The following NDUFB1 variants were observed in gnomAD, a reference collection of about 807,000 sequenced individuals.
The protein encoded by NDUFB1 is NADH dehydrogenase [ubiquinone] 1 beta subcomplex subunit 1.
In NDUFB1, 6 loss-of-function variants were observed where a neutral mutation model predicts 6.7. The ratio of observed to expected loss-of-function variants is 0.89; its 90% CI spans 0.49 to 1.76. The LOEUF (loss-of-function observed/expected upper bound fraction) is 1.76, where lower values mean the gene tolerates loss of function less well. NDUFB1 is among the 40% of genes most tolerant of loss of function. NDUFB1 has a pLI of 0.01. For missense variants in NDUFB1, 56 were observed against 71.0 expected, an observed-to-expected ratio of 0.79 and a Z score of 0.76; for synonymous variants, 17 against 22.9, an observed-to-expected ratio of 0.74 and a Z score of 0.74.
intron 1 of NDUFB1, among the ~76,000 whole-genome samples, chr14:92,119,792 C>T (rs1333870876): frequency 2.0e-5 from 3 of 150,518 alleles, no homozygotes; most frequent in African/African-American, 4.9e-5. Flanking sequence ...TAAATAGTCT[C>T]GCTCTGTCAC....
intron 1 of NDUFB1, chr14:92,121,309 G>A: frequency 1.6e-5 from 7 of 446,484 alleles, no homozygotes; most frequent in South Asian, 2.7e-5. Context: ...TCGCGGAGGG[G>A]AGGCAGCGTC....
intron 1 of NDUFB1, among the ~76,000 whole-genome samples, chr14:92,120,969 G>A (rs977193910): frequency 1.3e-5 from 2 of 151,762 alleles, no homozygotes; most frequent in Non-Finnish European, 2.9e-5. Context: ...AGACCAGCCT[G>A]GCCAACATAG....
intron 1 of NDUFB1, among the ~76,000 whole-genome samples, chr14:92,120,912 A>G (rs2068755580): frequency 6.6e-6 from 1 of 151,234 alleles, no homozygotes; most frequent in African/African-American, 2.4e-5. Flanking sequence ...CTGTAATCCC[A>G]GCACTTTGGG....
intron 1 of NDUFB1, chr14:92,117,855 G>A (rs963686329): frequency 2.2e-5 from 11 of 510,470 alleles, no homozygotes; most frequent in South Asian, 1.0e-4. Flanking sequence ...AAAATTAGCC[G>A]GGTGTGGTGG....
intron 1 of NDUFB1, chr14:92,118,523 A>C (rs1429390157): frequency 1.3e-5 from 2 of 152,366 alleles, no homozygotes; most frequent in African/African-American, 4.8e-5. Flanking sequence ...TCACAATGCA[A>C]AAACAAATTT....
At chr14:92,116,331 C>CTTTT (rs35571568) in intron 2 of NDUFB1, 102 bp from the exon 3 acceptor site, 7,802 of 494,804 alleles carry the variant, frequency 0.016, 61 homozygotes, top group South Asian at 0.023. Flanking sequence ...ATTTCATTTT[C>CTTTT]TTTTTTTTTT....
chr14:92,119,893 C>T (rs1403899564), intron 1 of NDUFB1, among the ~76,000 whole-genome samples: 1 of 151,942 alleles, frequency 6.6e-6, no homozygotes, highest in Non-Finnish European at 1.5e-5. Context: ...TTCTGAGAAG[C>T]TGGAGCTACG....
intron 1 of NDUFB1, 53 bp from the exon 2 acceptor site, chr14:92,117,695 A>C: frequency 6.4e-7 from 1 of 1,569,506 alleles, no homozygotes; most frequent in South Asian, 1.2e-5. Flanking sequence ...TTTTTTTGAA[A>C]TAGCTTTTAA....
chr14:92,117,491 G>C lies in NDUFB1; in HGVS notation c.140+7C>G. The C allele has an allele frequency of 6.2e-7, 1 of 1,612,034 alleles. No individual in the cohort carries two copies. The highest frequency in any genetic ancestry group is 8.5e-7 in the Non-Finnish European group (1 of 1,179,886). On this transcript the variant is annotated splice_region_variant and intron_variant, in intron 2 of 2. Transcript: ENST00000605997. ...CCAATTGCTGGTTTAAAAAAATGCAGACTAACCTTTTAAATAACATACTCT... is the reference window on the plus strand; with the variant it reads ...CCAATTGCTGGTTTAAAAAAATGCACACTAACCTTTTAAATAACATACTCT...
At chr14:92,117,736 G>A in intron 1 of NDUFB1, 94 bp from the exon 2 acceptor site, 1 of 1,257,622 alleles carries the variant, frequency 8.0e-7, no homozygotes, top group South Asian at 1.3e-5. Flanking sequence ...GGTGGTTCAT[G>A]CCTGTAATCC....
chr14:92,117,786 T>C, intron 1 of NDUFB1, 144 bp from the exon 2 acceptor site: 1 of 792,750 alleles, frequency 1.3e-6, no homozygotes, highest in Non-Finnish European at 2.0e-6. Flanking sequence ...TCACTTGAGA[T>C]TAGGAGTTCG....
intron 1 of NDUFB1, 146 bp downstream of exon 1, chr14:92,121,496 C>G: frequency 8.1e-7 from 1 of 1,240,900 alleles, no homozygotes. Flanking sequence ...CCCCATTTTC[C>G]TTTCCCGTCA....
Position 92,121,253 on chromosome 14 carries a change from G to A in NDUFB1, c.-6+389C>T, listed in dbSNP as rs1486727254. The A allele has an allele frequency of 1.9e-5, 6 of 313,762 alleles. No homozygotes were observed. In the Admixed American group the frequency reaches 2.7e-4, roughly 14 times the overall value. The allele number at this position is 313,762 out of a possible 1,614,324, so 19.4% of individuals were successfully genotyped here. On this transcript the variant is annotated intron_variant, in intron 1 of 2. Transcript: ENST00000605997. ...GATTTGCGATTTGGAAGAGAGCGAG[G>A]TTAGCGAGAAGACAGAAGGCTGGAA...
intron 1 of NDUFB1, 37 bp from the exon 2 acceptor site, chr14:92,117,679 TTG>T: frequency 6.3e-7 from 1 of 1,598,276 alleles, no homozygotes. Context: ...TACAACTGCT[TTG>T]TTTTTTTTTT....
At chr14:92,116,535 A>G (rs1178188995) in intron 2 of NDUFB1, among the ~76,000 whole-genome samples, 1 of 151,754 alleles carries the variant, frequency 6.6e-6, no homozygotes, top group African/African-American at 2.4e-5. Context: ...GGGTTTCACC[A>G]TGTTGGCCAG....
intron 1 of NDUFB1, chr14:92,121,293 AGCTGCTCGCGGAGGGGAG>A (rs1170526777): frequency 2.4e-6 from 1 of 420,252 alleles, no homozygotes; most frequent in Non-Finnish European, 4.4e-6. Context: ...GACGAATGTA[AGCTGCTCGCGGAGGGGAG>A]GCAGCGTCTT....
chr14:92,120,358 T>TTTTA, intron 1 of NDUFB1: 1 of 151,992 alleles, frequency 6.6e-6, no homozygotes, highest in Non-Finnish European at 1.5e-5. Flanking sequence ...CCTTTTTTTT[T>TTTTA]TTTTATTTTG....
At position 92,117,677 on chromosome 14, in the gene NDUFB1, C is replaced by CTTCT. The variant is rs1555412688; in HGVS notation, c.-5-36_-5-35insAGAA. ...AAAAAAATTATCAGAAATACAACTG[C>CTTCT]TTTGTTTTTTTTTTGAAATAGCTTT... On this transcript the variant is annotated intron_variant, in intron 1 of 2. Transcript: ENST00000605997. 1.5e-5 allele frequency: 24 copies of CTTCT among 1,584,248 alleles called. No individual in the cohort carries two copies. In the Admixed American group the frequency reaches 2.1e-4, roughly 14 times the overall value.
chr14:92,121,244 G>A (rs7143401), intron 1 of NDUFB1: 104,943 of 275,382 alleles, frequency 0.38, 22,701 homozygotes, highest in East Asian at 0.84. Flanking sequence ...CGATTTGGAA[G>A]AGAGCGAGGT....
Sources: gnomAD v4.1 joint callset for allele counts (sites outside exome capture counted in the v4.1 genomes callset) on GRCh38, gnomAD v4.1.1 for gene constraint, MANE v1.5 for transcripts, NCBI Gene and HGNC (gene_info 2026-07-23, HGNC 2026-07-21) for gene names.